Variants in SRPK1 observed in about 807,000 individuals in gnomAD.
SRPK1 encodes SRSF protein kinase 1.
SRPK1 carries 52 observed loss-of-function variants against 89.5 expected under a neutral mutation model. The observed-to-expected ratio is 0.58, with a 90% confidence interval of 0.46 to 0.73. SRPK1 has a LOEUF of 0.73. SRPK1 is among the 30% of genes least tolerant of loss of function. The pLI, the probability that SRPK1 is intolerant of heterozygous loss-of-function variation, is 0.00. For missense variants in SRPK1, 603 were observed against 780.6 expected (o/e 0.77, Z 2.71); for synonymous variants, 255 against 270.2 (o/e 0.94, Z 0.55).
intron 2 of SRPK1, among the ~76,000 whole-genome samples, chr6:35,893,794 C>T (rs1770570696): frequency 6.6e-6 from 1 of 151,652 alleles, no homozygotes; most frequent in Non-Finnish European, 1.5e-5. Flanking sequence ...TTTGGGAGGC[C>T]GAGGCCAGGA....
chr6:35,850,854 G>A (rs1769539362), intron 13 of SRPK1, among the ~76,000 whole-genome samples: 1 of 152,210 alleles, frequency 6.6e-6, no homozygotes, highest in Admixed American at 6.5e-5. Context: ...CATCTCTAAA[G>A]AGATTATGTT....
chr6:35,900,353 T>G (rs573386894), intron 2 of SRPK1, among the ~76,000 whole-genome samples: 44 of 152,134 alleles, frequency 2.9e-4, no homozygotes, highest in Non-Finnish European at 5.0e-4. Context: ...AGGTAGAAAA[T>G]AAAAGAAAAG....
At chr6:35,909,582 G>A (rs910346321) in intron 2 of SRPK1, among the ~76,000 whole-genome samples, 8 of 151,664 alleles carry the variant, frequency 5.3e-5, no homozygotes, top group Non-Finnish European at 1.2e-4. Context: ...AGATCTGGGA[G>A]GGGCCAAGAG....
chr6:35,921,059 T>G lies in SRPK1; in HGVS notation c.-3A>C. On this transcript the variant is annotated 5_prime_UTR_variant, in exon 1 of 16. Transcript: ENST00000373825. ...CACCGCTCACCTTTCCGCTCCATGGTGAGACCGGTAATCGCCAGGCGCCTG... is the reference window on the plus strand; with the variant it reads ...CACCGCTCACCTTTCCGCTCCATGGGGAGACCGGTAATCGCCAGGCGCCTG... The G allele has an allele frequency of 6.5e-7, 1 of 1,536,224 alleles. No homozygotes were observed. Among genetic ancestry groups the G allele is most frequent in the Non-Finnish European group, 8.7e-7 (1 of 1,142,932 alleles).
intron 12 of SRPK1, among the ~76,000 whole-genome samples, chr6:35,863,540 G>A (rs1368329853): frequency 6.9e-6 from 1 of 145,890 alleles, no homozygotes; most frequent in Non-Finnish European, 1.5e-5. Flanking sequence ...TAAGAAAATA[G>A]TAGATAAAAA....
chr6:35,880,731 AAAAG>A (rs1770257158), intron 6 of SRPK1, among the ~76,000 whole-genome samples: 1 of 56,564 alleles, frequency 1.8e-5, no homozygotes, highest in Non-Finnish European at 2.9e-5. Flanking sequence ...AAAAAAAAAA[AAAAG>A]AAAAAAAAAA....
chr6:35,882,553 G>C (rs1770319177), intron 6 of SRPK1, among the ~76,000 whole-genome samples: 1 of 151,880 alleles, frequency 6.6e-6, no homozygotes, highest in African/African-American at 2.4e-5. Flanking sequence ...CCTCAGCTTT[G>C]CAAGGTGCTG....
intron 8 of SRPK1, among the ~76,000 whole-genome samples, chr6:35,871,482 T>A (rs1770034459): frequency 6.6e-6 from 1 of 152,248 alleles, no homozygotes; most frequent in Non-Finnish European, 1.5e-5. Context: ...ATACTCTAGA[T>A]AAGTGTACAT....
intron 2 of SRPK1, chr6:35,920,205 G>C: frequency 1.7e-6 from 1 of 581,402 alleles, no homozygotes; most frequent in Non-Finnish European, 3.3e-6. Context: ...TGGAGTTGGG[G>C]AGGAAAGGTA....
In SRPK1 at chr6:35,913,969, C is replaced by CTTTTTTTTTTT. The variant is rs545555860; in HGVS notation, c.74+6488_74+6498dup. 2.1e-3 allele frequency among the ~76,000 whole-genome samples: 193 copies of CTTTTTTTTTTT among 92,924 alleles called. 6 individuals are homozygous for CTTTTTTTTTTT. The highest frequency in any genetic ancestry group is 2.6e-3 in the Non-Finnish European group (127 of 48,098). 61.0% of individuals were successfully genotyped at this position (92,924 alleles called of 152,430 possible). On this transcript the variant is annotated intron_variant, in intron 2 of 15. Coordinates refer to ENST00000373825, the MANE Select transcript of SRPK1 (RefSeq NM_003137.5). ...TGCCGCACAACAAAGGATACTTTCT[C>CTTTTTTTTTTT]TTTTTTTTTTTTTTTTTTTTTTTGA...
intron 6 of SRPK1, among the ~76,000 whole-genome samples, chr6:35,884,340 T>A (rs2127255062): frequency 6.6e-6 from 1 of 152,316 alleles, no homozygotes; most frequent in Non-Finnish European, 1.5e-5. Flanking sequence ...TATATGGAAT[T>A]CTGTAAGAAC....
chr6:35,879,622 T>G (rs939411206), intron 6 of SRPK1, among the ~76,000 whole-genome samples: 1 of 152,224 alleles, frequency 6.6e-6, no homozygotes, highest in South Asian at 2.1e-4. Context: ...GTTACCATAT[T>G]AGATTTAAAT....
chr6:35,861,183 A>G (rs1769775227), intron 12 of SRPK1, among the ~76,000 whole-genome samples: 1 of 152,208 alleles, frequency 6.6e-6, no homozygotes. Context: ...CAGAGAAGTG[A>G]TAGGAAGCAC....
At chr6:35,911,327 A>T (rs1770955716) in intron 2 of SRPK1, among the ~76,000 whole-genome samples, 1 of 152,156 alleles carries the variant, frequency 6.6e-6, no homozygotes. Flanking sequence ...CAGCAAGAGG[A>T]CTAGAATTAG....
chr6:35,848,944 G>A (rs1327332075), intron 13 of SRPK1, among the ~76,000 whole-genome samples: 2 of 152,090 alleles, frequency 1.3e-5, no homozygotes, highest in African/African-American at 2.4e-5. Context: ...TGATTTTTTT[G>A]GATTTGACCC....
chr6:35,859,423 G>T (rs1247825401), intron 12 of SRPK1, among the ~76,000 whole-genome samples: 1 of 152,110 alleles, frequency 6.6e-6, no homozygotes, highest in East Asian at 1.9e-4. Context: ...TTAGTACAGT[G>T]GTCCATCAGT....
At chr6:35,882,597 GT>G (rs1404351085) in intron 6 of SRPK1, among the ~76,000 whole-genome samples, 1 of 151,950 alleles carries the variant, frequency 6.6e-6, no homozygotes, top group Non-Finnish European at 1.5e-5. Context: ...GCCTGGCTAG[GT>G]TATATTTTAA....
intron 6 of SRPK1, among the ~76,000 whole-genome samples, chr6:35,874,625 G>A (rs907936079): frequency 1.3e-5 from 2 of 152,148 alleles, no homozygotes; most frequent in African/African-American, 4.8e-5. Context: ...ACCTACATAT[G>A]CAAATAGTGA....
rs1250643180 is a variant in SRPK1 at position 35,833,589 on chromosome 6, A to C, written c.*1715T>G. The C allele has an allele frequency of 6.6e-6, 1 of 152,662 alleles. No homozygotes were observed. The highest frequency in any genetic ancestry group is 1.5e-5 in the Non-Finnish European group (1 of 68,054). The allele number at this position is 152,662 out of a possible 1,614,324, so 9.5% of individuals were successfully genotyped here. ...TTCTTGATAGGTGCATAGAAAGCCT[A>C]ACTTAAAATTCTTTCTACAGGAACA... On this transcript the variant is annotated 3_prime_UTR_variant, in exon 16 of 16. Transcript: ENST00000373825.
Sources: gnomAD v4.1 joint callset for allele counts (sites outside exome capture counted in the v4.1 genomes callset) on GRCh38, gnomAD v4.1.1 for gene constraint, MANE v1.5 for transcripts, NCBI Gene and HGNC (gene_info 2026-07-23, HGNC 2026-07-21) for gene names.